Variants in FLRT1 observed in about 807,000 individuals in gnomAD.
FLRT1 encodes the protein fibronectin leucine rich transmembrane protein 1.
Under a neutral mutation model 30.9 loss-of-function variants are expected in FLRT1, and 14 were observed. The ratio of observed to expected loss-of-function variants is 0.45; its 90% CI spans 0.30 to 0.71. The LOEUF is 0.71. Ranked by LOEUF, FLRT1 falls within the 30% of genes least tolerant of loss-of-function variation. FLRT1 has a pLI of 0.08. For missense variants in FLRT1, 737 were observed against 949.2 expected, an observed-to-expected ratio of 0.78 and a Z score of 2.94; for synonymous variants, 368 against 430.4, an observed-to-expected ratio of 0.85 and a Z score of 1.80.
chr11:64,094,977 C>T (rs535508507), intron 1 of FLRT1, among the ~76,000 whole-genome samples: 1 of 152,200 alleles, frequency 6.6e-6, no homozygotes, highest in Non-Finnish European at 1.5e-5. Context: ...CTAGGGGCCT[C>T]GTTAGCTGTG....
At chr11:64,050,623 C>A (rs1943675361) in intron 1 of FLRT1, among the ~76,000 whole-genome samples, 1 of 152,202 alleles carries the variant, frequency 6.6e-6, no homozygotes, top group African/African-American at 2.4e-5. Context: ...CATGACCCAG[C>A]AGTGACCATG....
chr11:64,086,327 G>A (rs980866103), intron 1 of FLRT1, among the ~76,000 whole-genome samples: 1 of 152,066 alleles, frequency 6.6e-6, no homozygotes, highest in African/African-American at 2.4e-5. Context: ...ACAGCCTGGG[G>A]TGTGCAGTTC....
At chr11:64,046,446 G>C (rs1319360983) in intron 1 of FLRT1, among the ~76,000 whole-genome samples, 5 of 152,358 alleles carry the variant, frequency 3.3e-5, no homozygotes, top group Admixed American at 2.0e-4. Flanking sequence ...ACAGGAGGGA[G>C]CTGGGTCCTA....
chr11:64,057,019 C>G (rs1565212534), intron 1 of FLRT1, among the ~76,000 whole-genome samples: 1 of 152,190 alleles, frequency 6.6e-6, no homozygotes, highest in East Asian at 1.9e-4. Flanking sequence ...TGTCACCCCC[C>G]TAAGCAAGCC....
rs903602893 is a variant in FLRT1 at position 64,103,222 on chromosome 11, T to C, written c.-1009T>C. 6.6e-6 allele frequency: 1 copy of C among 152,420 alleles called. No homozygotes were observed. Among genetic ancestry groups the C allele is most frequent in the Middle Eastern group, 3.4e-3 (1 of 294 alleles). 9.4% of individuals were successfully genotyped at this position (152,420 alleles called of 1,614,324 possible). On this transcript the variant is annotated 5_prime_UTR_variant, in exon 2 of 3. The change abolishes an upstream ATG in the 5' untranslated region. Transcript: ENST00000682287. ...AGGAAGCAGGCAGTGGGCGAGAAGA[T>C]GGATTCCTTTTTGGACAGACAAGAC...
rs1425971895 is a variant in FLRT1 at position 64,064,438 on chromosome 11, G to T, written c.-1038+28279G>T. Among the ~76,000 whole-genome samples the T allele has an allele frequency of 6.6e-6, 1 of 152,162 alleles. No individual in the cohort carries two copies. ...GGACTCCAGCTCCTCTGGGCACTGG[G>T]CAGGCAATCTCTGTTTTCTCTTGGC... On this transcript the variant is annotated intron_variant, in intron 1 of 2. Transcript: ENST00000682287. This position sits in a 1 kb window ranked among gnomAD's most constrained non-coding sequence, Gnocchi z 4.5.
At chr11:64,115,077 G>A (rs1322675275) in intron 2 of FLRT1, among the ~76,000 whole-genome samples, 5 of 152,158 alleles carry the variant, frequency 3.3e-5, no homozygotes, top group Non-Finnish European at 7.4e-5. Context: ...CTCCCAGGCT[G>A]GGACTTCAGG....
At chr11:64,040,121 A>G (rs564555830) in intron 1 of FLRT1, among the ~76,000 whole-genome samples, 5 of 152,370 alleles carry the variant, frequency 3.3e-5, no homozygotes, top group African/African-American at 1.2e-4. Flanking sequence ...GTGGGGAACA[A>G]AAGCAGTGGG....
chr11:64,073,031 G>A (rs1944137708), intron 1 of FLRT1, among the ~76,000 whole-genome samples: 1 of 152,194 alleles, frequency 6.6e-6, no homozygotes, highest in Non-Finnish European at 1.5e-5. Flanking sequence ...GCAGCCAGAG[G>A]CAGAGCCAGC....
In FLRT1 at chr11:64,118,150, G is replaced by A. The variant is rs761170027; in HGVS notation, c.1883G>A (p.Arg628His). ...GLQMLPINPY[R>H]AKEEYVVHTI... ...CAGATGCTGCCCATCAACCCGTACC[G>A]CGCCAAAGAAGAGTACGTGGTCCAC... Residue 628 changes from arginine (R) to histidine (H), a missense_variant, in exon 3 of 3, where the codon CGC becomes CAC. Arg to His is a conservative substitution (Grantham distance 29, BLOSUM62 0). Coordinates refer to ENST00000682287, the MANE Select transcript of FLRT1 (RefSeq NM_013280.5). 4.8e-5 allele frequency: 78 copies of A among 1,613,696 alleles called. No individual in the cohort carries two copies. The highest frequency in any genetic ancestry group is 5.8e-5 in the Non-Finnish European group (68 of 1,179,996).
rs117416709 is a variant in FLRT1, at chr11:64,115,781, A to G, written c.-49-438A>G. On this transcript the variant is annotated intron_variant, in intron 2 of 2. Coordinates refer to ENST00000682287, the MANE Select transcript of FLRT1 (RefSeq NM_013280.5). ...CAGTGCCAGGGAAACAGCAGCTATGAATCCATAAAACACGCCCTAAATCCA... is the reference window on the plus strand; with the variant it reads ...CAGTGCCAGGGAAACAGCAGCTATGGATCCATAAAACACGCCCTAAATCCA... 4.1e-4 allele frequency among the ~76,000 whole-genome samples: 63 copies of G among 152,342 alleles called. 1 individual carries two copies. The East Asian group carries it at 0.011, about 28-fold the overall frequency.
chr11:64,100,382 T>C (rs953712767), intron 1 of FLRT1, among the ~76,000 whole-genome samples: 1 of 152,182 alleles, frequency 6.6e-6, no homozygotes, highest in African/African-American at 2.4e-5. Context: ...CAAAGTACTT[T>C]TACTCAAAAT....
intron 1 of FLRT1, among the ~76,000 whole-genome samples, chr11:64,101,220 G>T (rs1265489781): frequency 3.9e-5 from 6 of 152,128 alleles, no homozygotes; most frequent in African/African-American, 1.4e-4. Flanking sequence ...GCCAGCTCAG[G>T]GCATTAGTGG....
intron 1 of FLRT1, among the ~76,000 whole-genome samples, chr11:64,062,709 C>T (rs1295972379): frequency 2.6e-5 from 4 of 152,312 alleles, no homozygotes; most frequent in South Asian, 2.1e-4. Flanking sequence ...CCAGTGTGCC[C>T]GTCCTGCCCC....
At chr11:64,113,762 G>C (rs1461651621) in intron 2 of FLRT1, among the ~76,000 whole-genome samples, 1 of 145,080 alleles carries the variant, frequency 6.9e-6, no homozygotes, top group Non-Finnish European at 1.5e-5. Context: ...GGACGGACAG[G>C]TAAATGCATG....
At chr11:64,076,423 G>C (rs116709412) in intron 1 of FLRT1, among the ~76,000 whole-genome samples, 171 of 152,250 alleles carry the variant, frequency 1.1e-3, no homozygotes, top group African/African-American at 3.5e-3. Context: ...CATCACAGGT[G>C]GTCAACTGTA....
chr11:64,111,939 T>A (rs1944870579), intron 2 of FLRT1, among the ~76,000 whole-genome samples: 1 of 152,040 alleles, frequency 6.6e-6, no homozygotes, highest in African/African-American at 2.4e-5. Context: ...GCTGCAGGAC[T>A]GTGTCTGGGC....
intron 1 of FLRT1, among the ~76,000 whole-genome samples, chr11:64,093,284 C>A (rs958256768): frequency 1.3e-5 from 2 of 152,248 alleles, no homozygotes; most frequent in Non-Finnish European, 2.9e-5. Flanking sequence ...CCTGGGCCAT[C>A]TAGAACTCGA....
At chr11:64,080,494 C>A (rs1363854274) in intron 1 of FLRT1, among the ~76,000 whole-genome samples, 1 of 152,112 alleles carries the variant, frequency 6.6e-6, no homozygotes, top group Non-Finnish European at 1.5e-5. Flanking sequence ...TAAAAAGAAG[C>A]CTCAGGTTTA....
Sources: gnomAD v4.1 joint callset for allele counts (sites outside exome capture counted in the v4.1 genomes callset) on GRCh38, gnomAD v4.1.1 for gene constraint, Gnocchi (gnomAD v3.1) non-coding constraint, MANE v1.5 for transcripts, NCBI Gene and HGNC (gene_info 2026-07-23, HGNC 2026-07-21) for gene names.